The following WDPCP variants were observed in gnomAD, a reference collection of about 807,000 sequenced individuals.
WDPCP encodes WD repeat-containing and planar cell polarity effector protein fritz homolog.
Under a neutral mutation model 93.1 loss-of-function variants are expected in WDPCP, and 71 were observed. The ratio of observed to expected loss-of-function variants is 0.76; its 90% CI spans 0.63 to 0.93. WDPCP has a LOEUF of 0.93. Ranked by LOEUF, WDPCP falls within the 40% of genes least tolerant of loss-of-function variation. The probability of loss-of-function intolerance (pLI) is 0.00; values close to 1 mark genes in which losing one functional copy is unlikely to be tolerated. For synonymous variants in WDPCP, 315 were observed against 315.0 expected (o/e 1.00, Z 0.00); for missense variants, 844 against 887.4 (o/e 0.95, Z 0.62).
intron 9 of WDPCP, among the ~76,000 whole-genome samples, chr2:63,430,262 CTACTGGG>C (rs1696639437): frequency 6.6e-6 from 1 of 152,054 alleles, no homozygotes; most frequent in African/African-American, 2.4e-5. Context: ...AAAAAACTAC[CTACTGGG>C]TACTATGCTC....
chr2:63,683,564 G>A (rs1668759465), intron 2 of WDPCP, among the ~76,000 whole-genome samples: 2 of 152,070 alleles, frequency 1.3e-5, no homozygotes, highest in East Asian at 3.8e-4. Flanking sequence ...TATAAAAAGA[G>A]ACAAAGGGCT....
At chr2:63,798,742 C>T (rs533864133) in intron 2 of WDPCP, among the ~76,000 whole-genome samples, 2 of 151,972 alleles carry the variant, frequency 1.3e-5, no homozygotes, top group East Asian at 1.9e-4. Context: ...TAACACTGAA[C>T]GTAAATAGAC....
Position 63,791,258 on chromosome 2 carries a change from T to C in WDPCP, n.308+22364A>G, listed in dbSNP as rs193245330. ...GAATTTAGAATTTGCCTTGTTGGCA[T>C]AGACTTGGTGTCTGACAAGCTCAGG... On this transcript the variant is annotated intron_variant and non_coding_transcript_variant, in intron 2 of 4. Transcript: ENST00000467687. 1.1e-4 allele frequency among the ~76,000 whole-genome samples: 16 copies of C among 152,314 alleles called. No individual in the cohort carries two copies. In the East Asian group the frequency reaches 3.1e-3, roughly 29 times the overall value.
intron 2 of WDPCP, among the ~76,000 whole-genome samples, chr2:63,797,779 A>G (rs1057071232): frequency 3.3e-5 from 5 of 152,270 alleles, no homozygotes; most frequent in African/African-American, 1.2e-4. Flanking sequence ...GAAAAATAAC[A>G]GAGACTAACC....
chr2:63,156,193 G>T (rs548820459), intron 15 of WDPCP, among the ~76,000 whole-genome samples: 2 of 151,876 alleles, frequency 1.3e-5, no homozygotes, highest in South Asian at 4.2e-4. Flanking sequence ...AACAGAGACG[G>T]TGTTTCACCA....
chr2:63,150,510 A>G (rs773849547), intron 17 of WDPCP, among the ~76,000 whole-genome samples: 3 of 152,186 alleles, frequency 2.0e-5, no homozygotes, highest in Admixed American at 1.3e-4. Flanking sequence ...ACCCTGTTCT[A>G]AGAGCCAGAC....
At chr2:63,831,915 G>GA (rs1365571315), upstream of WDPCP, among the ~76,000 whole-genome samples, 7 of 152,208 alleles carry the variant, frequency 4.6e-5, no homozygotes, top group African/African-American at 1.7e-4. Context: ...TGTGTGGACT[G>GA]AAAAACATAG....
chr2:63,222,519 C>T (rs1677930312), intron 14 of WDPCP, among the ~76,000 whole-genome samples: 2 of 152,214 alleles, frequency 1.3e-5, no homozygotes, highest in Non-Finnish European at 2.9e-5. Context: ...CGTAACTCCT[C>T]TGTCTCCTCA....
At chr2:63,349,434 T>TTC (rs1317814729) in intron 12 of WDPCP, among the ~76,000 whole-genome samples, 3 of 152,198 alleles carry the variant, frequency 2.0e-5, no homozygotes, top group Non-Finnish European at 2.9e-5. Flanking sequence ...TTCTAAGCTG[T>TTC]ATCAAATTAA....
chr2:63,506,504 G>A (rs1466536069), intron 1 of WDPCP, among the ~76,000 whole-genome samples: 1 of 152,030 alleles, frequency 6.6e-6, no homozygotes, highest in African/African-American at 2.4e-5. Flanking sequence ...AAAAATTTTG[G>A]AGGGTAAAAA....
intron 6 of WDPCP, among the ~76,000 whole-genome samples, chr2:63,463,581 G>A (rs1437477124): frequency 1.3e-5 from 2 of 152,098 alleles, no homozygotes; most frequent in Admixed American, 1.3e-4. Context: ...CGCATTTCCT[G>A]ATTTCAAAAT....
intron 13 of WDPCP, among the ~76,000 whole-genome samples, chr2:63,260,968 T>C (rs1169947333): frequency 6.6e-6 from 1 of 152,248 alleles, no homozygotes; most frequent in East Asian, 1.9e-4. Context: ...TTGGAAGAAC[T>C]GTGCTCAATC....
intron 2 of WDPCP, among the ~76,000 whole-genome samples, chr2:63,791,802 A>G (rs1344393632): frequency 6.6e-6 from 1 of 152,190 alleles, no homozygotes; most frequent in African/African-American, 2.4e-5. Context: ...TTAATTTTAG[A>G]TAAATTACTG....
intron 6 of WDPCP, among the ~76,000 whole-genome samples, chr2:63,483,595 T>C (rs1575503457): frequency 6.6e-6 from 1 of 152,008 alleles, no homozygotes; most frequent in South Asian, 2.1e-4. Context: ...TTAAGATCTG[T>C]TTATAATTGC....
At chr2:63,614,286 T>C (rs559079035) in intron 3 of WDPCP, among the ~76,000 whole-genome samples, 4 of 152,212 alleles carry the variant, frequency 2.6e-5, no homozygotes, top group Non-Finnish European at 5.9e-5. Flanking sequence ...CACACTTGCA[T>C]GTTAATAAAT....
intron 1 of WDPCP, among the ~76,000 whole-genome samples, chr2:63,563,567 G>T (rs947230402): frequency 4.6e-5 from 7 of 152,154 alleles, no homozygotes; most frequent in African/African-American, 1.4e-4. Context: ...AATGGGGAAT[G>T]ACTACTAATG....
chr2:63,454,312 A>G (rs1698478813), intron 6 of WDPCP, among the ~76,000 whole-genome samples: 1 of 151,560 alleles, frequency 6.6e-6, no homozygotes, highest in Non-Finnish European at 1.5e-5. Context: ...CAATGAACAC[A>G]TGGACACAGG....
At chr2:63,185,948 C>T (rs1674605810) in intron 14 of WDPCP, among the ~76,000 whole-genome samples, 1 of 152,154 alleles carries the variant, frequency 6.6e-6, no homozygotes, top group Non-Finnish European at 1.5e-5. Flanking sequence ...TGAATGCAAC[C>T]ACTATCTCTG....
chr2:63,447,061 T>A (rs1558646406), intron 6 of WDPCP, among the ~76,000 whole-genome samples: 1 of 152,142 alleles, frequency 6.6e-6, no homozygotes, highest in Non-Finnish European at 1.5e-5. Flanking sequence ...ATAAATAAGT[T>A]TAATTAATCA....
Sources: gnomAD v4.1 joint callset for allele counts (sites outside exome capture counted in the v4.1 genomes callset) on GRCh38, gnomAD v4.1.1 for gene constraint, MANE v1.5 for transcripts, NCBI Gene and HGNC (gene_info 2026-07-23, HGNC 2026-07-21) for gene names.